Variants in FER observed in about 807,000 individuals in gnomAD.
The protein encoded by FER is FER tyrosine kinase.
FER carries 63 observed loss-of-function variants against 111.0 expected under a neutral mutation model. The observed-to-expected ratio is 0.57, with a 90% CI of 0.46 to 0.70. The LOEUF (loss-of-function observed/expected upper bound fraction) is 0.70, where lower values mean the gene tolerates loss of function less well. Ranked by LOEUF, FER falls within the 30% of genes least tolerant of loss-of-function variation. FER has a pLI of 0.00. For missense variants in FER, 914 were observed against 954.0 expected (o/e 0.96, Z 0.55); for synonymous variants, 327 against 313.9 (o/e 1.04, Z -0.44).
At chr5:108,912,166 T>A (rs1342316792) in intron 10 of FER, among the ~76,000 whole-genome samples, 1 of 152,196 alleles carries the variant, frequency 6.6e-6, no homozygotes, top group Admixed American at 6.5e-5. Flanking sequence ...TTTTTCTTCA[T>A]AAATTACCCA....
At chr5:108,978,342 T>G (rs1391022369) in intron 13 of FER, among the ~76,000 whole-genome samples, 1 of 152,238 alleles carries the variant, frequency 6.6e-6, no homozygotes, top group African/African-American at 2.4e-5. Flanking sequence ...TGACAATCCT[T>G]TGCATGTCTG....
chr5:109,090,172 G>A (rs1778009031), intron 16 of FER, among the ~76,000 whole-genome samples: 1 of 152,126 alleles, frequency 6.6e-6, no homozygotes, highest in African/African-American at 2.4e-5. Context: ...ACTTGCTGTG[G>A]CAATGCCACA....
chr5:108,934,852 G>A (rs543278077), intron 10 of FER, among the ~76,000 whole-genome samples: 3 of 151,990 alleles, frequency 2.0e-5, no homozygotes, highest in Non-Finnish European at 4.4e-5. Flanking sequence ...GCAAGGTGTC[G>A]CTTTAGTTAG....
intron 17 of FER, among the ~76,000 whole-genome samples, chr5:109,130,186 C>CAT (rs1752209738): frequency 6.6e-6 from 1 of 151,618 alleles, no homozygotes; most frequent in Non-Finnish European, 1.5e-5. Flanking sequence ...ATTTTTATCC[C>CAT]ATAGTAAATA....
chr5:108,870,573 A>G (rs1764505333), intron 6 of FER, among the ~76,000 whole-genome samples: 1 of 152,158 alleles, frequency 6.6e-6, no homozygotes, highest in Non-Finnish European at 1.5e-5. Flanking sequence ...TCCTATTTAA[A>G]ATAAAGTAAT....
chr5:109,120,093 T>G (rs1465610029), intron 17 of FER, among the ~76,000 whole-genome samples: 1 of 152,160 alleles, frequency 6.6e-6, no homozygotes, highest in East Asian at 1.9e-4. Context: ...TTTTCTTTGC[T>G]GTGCAGAAGC....
intron 1 of FER, among the ~76,000 whole-genome samples, chr5:108,756,094 C>T (rs1466690421): frequency 1.4e-5 from 2 of 147,520 alleles, no homozygotes; most frequent in Non-Finnish European, 3.0e-5. Flanking sequence ...GTGGAGGTTG[C>T]GGTGAGCCGA....
chr5:109,012,623 A>G (rs1766438971), intron 13 of FER, among the ~76,000 whole-genome samples: 1 of 152,254 alleles, frequency 6.6e-6, no homozygotes, highest in African/African-American at 2.4e-5. Context: ...CGATGGCACT[A>G]CATCAGCAGT....
At chr5:108,822,959 C>T (rs1430722853) in intron 3 of FER, among the ~76,000 whole-genome samples, 1 of 151,890 alleles carries the variant, frequency 6.6e-6, no homozygotes. Flanking sequence ...CAGCCTCTGC[C>T]TCTTGGGTTC....
chr5:108,989,599 A>G (rs1762939123), intron 13 of FER, among the ~76,000 whole-genome samples: 1 of 151,982 alleles, frequency 6.6e-6, no homozygotes, highest in Non-Finnish European at 1.5e-5. Context: ...GTTTTAACAG[A>G]TGAACTTAAC....
intron 16 of FER, among the ~76,000 whole-genome samples, chr5:109,072,306 T>C (rs1005961956): frequency 2.6e-5 from 4 of 151,404 alleles, no homozygotes; most frequent in African/African-American, 9.7e-5. Flanking sequence ...TTTCAAAAGA[T>C]AGTCTATCTA....
chr5:108,922,671 A>G (rs959213232), intron 10 of FER, among the ~76,000 whole-genome samples: 9 of 149,840 alleles, frequency 6.0e-5, no homozygotes, highest in African/African-American at 2.0e-4. Context: ...GGAAAATATA[A>G]TTTTATTTTA....
chr5:108,883,499 A>C lies in FER; in HGVS notation c.1027A>C (p.Thr343Pro). 1 of 1,603,814 alleles carries C rather than the reference A, an allele frequency of 6.2e-7. No individual in the cohort carries two copies. Among genetic ancestry groups the C allele is most frequent in the Non-Finnish European group, 8.5e-7 (1 of 1,174,050 alleles). ...LEKRIEESSETCEKKSDIVLL... is the reference protein window; with the variant it reads ...LEKRIEESSEPCEKKSDIVLL... ...GAAGAGAATTGAAGAATCTTCTGAA[A>C]CTTGTGAGAAGAAGTCTGAGTGAGT... The change falls in exon 9 of 20, where the codon ACT (threonine) becomes CCT (proline). Residue 343 changes from threonine (T) to proline (P), a missense_variant. Coordinates refer to ENST00000281092, the MANE Select transcript of FER (RefSeq NM_005246.4).
At chr5:108,956,408 G>A (rs1222522469) in intron 12 of FER, among the ~76,000 whole-genome samples, 1 of 151,542 alleles carries the variant, frequency 6.6e-6, no homozygotes, top group Non-Finnish European at 1.5e-5. Context: ...ATGTAAACCT[G>A]AAATATTTGT....
At chr5:109,011,835 A>G (rs762125693) in intron 13 of FER, among the ~76,000 whole-genome samples, 10 of 152,080 alleles carry the variant, frequency 6.6e-5, no homozygotes, top group South Asian at 2.1e-4. Context: ...AGCTGATACA[A>G]TTTTCTTTGA....
At chr5:109,011,579 C>T (rs1342400972) in intron 13 of FER, among the ~76,000 whole-genome samples, 1 of 152,168 alleles carries the variant, frequency 6.6e-6, no homozygotes, top group Non-Finnish European at 1.5e-5. Flanking sequence ...CCCCTAACCT[C>T]CCATGGTTAT....
intron 17 of FER, among the ~76,000 whole-genome samples, chr5:109,154,077 C>CAA (rs3841393): frequency 0.063 from 9,388 of 148,702 alleles, 323 homozygotes; most frequent in Middle Eastern, 0.13. Context: ...CATACTTACG[C>CAA]AAAAAAAAAA....
intron 10 of FER, among the ~76,000 whole-genome samples, chr5:108,928,513 G>A (rs1378193641): frequency 3.9e-5 from 6 of 152,018 alleles, no homozygotes; most frequent in Admixed American, 3.9e-4. Context: ...AATATTGTAA[G>A]GAATTGATTT....
At chr5:108,759,847 A>G (rs113023956) in intron 1 of FER, among the ~76,000 whole-genome samples, 281 of 152,336 alleles carry the variant, frequency 1.8e-3, no homozygotes, top group African/African-American at 6.1e-3. Context: ...TTCCAATACA[A>G]TGACCCTGGG....
Sources: allele counts gnomAD v4.1 joint callset (sites outside exome capture counted in the v4.1 genomes callset), GRCh38; gene constraint gnomAD v4.1.1; transcripts MANE v1.5; gene names NCBI Gene and HGNC (gene_info 2026-07-23, HGNC 2026-07-21).